Variants in RIMKLA observed in about 807,000 individuals in gnomAD.
RIMKLA encodes the protein ribosomal modification protein rimK like family member A.
In RIMKLA, 14 loss-of-function variants were observed where a neutral mutation model predicts 32.7. The ratio of observed to expected loss-of-function variants is 0.43; its 90% CI spans 0.28 to 0.67. The LOEUF (loss-of-function observed/expected upper bound fraction) is 0.67. Ranked by LOEUF, RIMKLA falls within the 30% of genes least tolerant of loss-of-function variation. The pLI is 0.18. For missense variants in RIMKLA, 410 were observed against 519.0 expected (o/e 0.79, Z 2.04); for synonymous variants, 176 against 204.1 (o/e 0.86, Z 1.18).
rs1159631939 is a variant in RIMKLA, at chr1:42,421,725, G to A, written c.*6751G>A. The A allele has an allele frequency of 6.6e-6, 1 of 152,120 alleles. No homozygotes were observed. The highest frequency in any genetic ancestry group is 2.4e-5 in the African/African-American group (1 of 41,408). 9.4% of individuals were successfully genotyped at this position (152,120 alleles called of 1,614,324 possible). On this transcript the variant is annotated 3_prime_UTR_variant, in exon 5 of 5. Coordinates refer to ENST00000431473, the MANE Select transcript of RIMKLA (RefSeq NM_173642.4). This position sits in a 1 kb window ranked among gnomAD's most constrained non-coding sequence, Gnocchi z 4.6. ...CACTGGCCCATGAGAGTGGATTGTTGAATTTCCAGGAATTTTGTAAGCTGG... is the reference window on the plus strand; with the variant it reads ...CACTGGCCCATGAGAGTGGATTGTTAAATTTCCAGGAATTTTGTAAGCTGG...
rs1570337771 is a variant in RIMKLA at position 42,420,232 on chromosome 1, A to G, written c.*5258A>G. The G allele has an allele frequency of 6.6e-6, 1 of 152,344 alleles. No homozygotes were observed. The allele number at this position is 152,344 out of a possible 1,614,324, so 9.4% of individuals were successfully genotyped here. A position where few individuals can be genotyped will look rare whatever the true frequency, so the allele number is the denominator to read the frequency against. Reference sequence around the variant, plus strand: ...TCCACACTTCTGCTACCTCATTTTAAATAGCGTCTTATCCCTGCAATGCAT... The same window carrying G: ...TCCACACTTCTGCTACCTCATTTTAGATAGCGTCTTATCCCTGCAATGCAT... On this transcript the variant is annotated 3_prime_UTR_variant, in exon 5 of 5. Transcript: ENST00000431473.
intron 3 of RIMKLA, among the ~76,000 whole-genome samples, chr1:42,405,309 C>T (rs1047439237): frequency 2.0e-5 from 3 of 152,196 alleles, no homozygotes; most frequent in Admixed American, 6.5e-5. Context: ...TACTTTGTAA[C>T]AGTTACAGGT....
At position 42,414,917 on chromosome 1, in the gene RIMKLA, G is replaced by A; in HGVS notation, c.1119G>A (p.Leu373=). The part of the protein sequence containing the change: ...ASTMGAPPSM[L]PEPGYNINNR... Reference sequence around the variant, plus strand: ...CAATGGGGGCCCCACCCTCCATGCTGCCCGAACCTGGCTACAACATTAACA... The same window carrying A: ...CAATGGGGGCCCCACCCTCCATGCTACCCGAACCTGGCTACAACATTAACA... The change falls in exon 5 of 5, where the codon CTG becomes CTA. Residue 373 remains leucine (L), a synonymous_variant. Transcript: ENST00000431473. The A allele has an allele frequency of 6.2e-7, 1 of 1,614,024 alleles. No homozygotes were observed. Among genetic ancestry groups the A allele is most frequent in the South Asian group, 1.1e-5 (1 of 91,066 alleles).
rs141657015 is a variant in RIMKLA at position 42,420,334 on chromosome 1, G to A, written c.*5360G>A. 1.3e-5 allele frequency: 2 copies of A among 152,320 alleles called. No individual in the cohort carries two copies. The highest frequency in any genetic ancestry group is 2.9e-5 in the Non-Finnish European group (2 of 68,036). The allele number at this position is 152,320 out of a possible 1,614,324, so 9.4% of individuals were successfully genotyped here. Reference sequence around the variant, plus strand: ...CAAGCGAGTGAGTGTGTGTGCCTGCGTGTGTCTCAGTGACGTGGGAAGGAA... The same window carrying A: ...CAAGCGAGTGAGTGTGTGTGCCTGCATGTGTCTCAGTGACGTGGGAAGGAA... On this transcript the variant is annotated 3_prime_UTR_variant, in exon 5 of 5. Coordinates refer to ENST00000431473, the MANE Select transcript of RIMKLA (RefSeq NM_173642.4).
At chr1:42,401,481 G>A (rs2148390624) in intron 2 of RIMKLA, among the ~76,000 whole-genome samples, 2 of 134,118 alleles carry the variant, frequency 1.5e-5, no homozygotes, top group African/African-American at 5.3e-5. Context: ...GGGAGGGCGG[G>A]CAACTTGAGA....
At chr1:42,399,253 A>G (rs192754063) in intron 1 of RIMKLA, 151 bp from the exon 2 acceptor site, 87 of 606,884 alleles carry the variant, frequency 1.4e-4, no homozygotes, top group African/African-American at 1.4e-3. Flanking sequence ...AGGGTTGCCT[A>G]TAGAGTTTCC....
At chr1:42,385,680 T>G (rs1467554967) in intron 1 of RIMKLA, among the ~76,000 whole-genome samples, 2 of 152,148 alleles carry the variant, frequency 1.3e-5, no homozygotes, top group Non-Finnish European at 2.9e-5. Context: ...TTCATGGATC[T>G]CAAAGCCCTA....
intron 1 of RIMKLA, among the ~76,000 whole-genome samples, chr1:42,387,783 C>A (rs1248835011): frequency 6.6e-6 from 1 of 151,928 alleles, no homozygotes; most frequent in African/African-American, 2.4e-5. Context: ...AAATCTGTGC[C>A]TCTCAAGTAG....
Position 42,414,991 on chromosome 1 carries a change from A to G in RIMKLA, c.*17A>G. On this transcript the variant is annotated 3_prime_UTR_variant, in exon 5 of 5. Transcript: ENST00000431473. ...CTTAAGTGAATTCCTGCTTTTTGGC[A>G]GCATTTAAACCAAATCCTACTGCTT... 4.4e-6 allele frequency: 7 copies of G among 1,586,660 alleles called. No homozygotes were observed. In the South Asian group the frequency reaches 4.6e-5, roughly 10 times the overall value.
chr1:42,411,461 T>TC (rs1643196831), intron 4 of RIMKLA, among the ~76,000 whole-genome samples: 1 of 122,522 alleles, frequency 8.2e-6, no homozygotes, highest in Non-Finnish European at 1.9e-5. Flanking sequence ...TCTTTTTTTT[T>TC]CTTTTCTTTT....
Position 42,415,215 on chromosome 1 carries a change from G to A in RIMKLA, c.*241G>A, listed in dbSNP as rs994828037. On this transcript the variant is annotated 3_prime_UTR_variant, in exon 5 of 5. Coordinates refer to ENST00000431473, the MANE Select transcript of RIMKLA (RefSeq NM_173642.4). ...GATCAGTATGAGACTGATGTCTGCT[G>A]TGAGCACGTGGATATTACGGCTGAC... 8.9e-6 allele frequency: 4 copies of A among 449,504 alleles called. No homozygotes were observed. Among genetic ancestry groups the A allele is most frequent in the Admixed American group, 3.8e-5 (1 of 26,108 alleles). The allele number at this position is 449,504 out of a possible 1,614,324, so 27.8% of individuals were successfully genotyped here.
At chr1:42,387,067 A>G (rs1642955698) in intron 1 of RIMKLA, among the ~76,000 whole-genome samples, 1 of 108,362 alleles carries the variant, frequency 9.2e-6, no homozygotes, top group Non-Finnish European at 2.1e-5. Flanking sequence ...ACTCCATCTC[A>G]AATAAATAAA....
At chr1:42,388,887 T>C (rs1642973783) in intron 1 of RIMKLA, among the ~76,000 whole-genome samples, 1 of 152,156 alleles carries the variant, frequency 6.6e-6, no homozygotes, top group Non-Finnish European at 1.5e-5. Flanking sequence ...CTGGCTACCA[T>C]GTTGAGAATA....
In RIMKLA at chr1:42,417,506, C is replaced by T. The variant is rs1643259131; in HGVS notation, c.*2532C>T. The T allele has an allele frequency of 2.0e-5, 3 of 152,254 alleles. No homozygotes were observed. In the South Asian group the frequency reaches 6.2e-4, roughly 32 times the overall value. The allele number at this position is 152,254 out of a possible 1,614,324, so 9.4% of individuals were successfully genotyped here. A position where few individuals can be genotyped will look rare whatever the true frequency, so the allele number is the denominator to read the frequency against. On this transcript the variant is annotated 3_prime_UTR_variant, in exon 5 of 5. Transcript: ENST00000431473. ...GCTTGAACAGCTGACCTCGTGCAAT[C>T]ACAGGAACTCTGCGTCTCCATGTTT...
Position 42,418,309 on chromosome 1 carries a change from C to T in RIMKLA, c.*3335C>T, listed in dbSNP as rs908544752. 9 of 152,082 alleles carry T rather than the reference C, an allele frequency of 5.9e-5. No individual in the cohort carries two copies. The highest frequency in any genetic ancestry group is 2.2e-4 in the African/African-American group (9 of 41,398). The allele number at this position is 152,082 out of a possible 1,614,324, so 9.4% of individuals were successfully genotyped here. ...AATGTCTTCATGCTGTTTTTCTGAT[C>T]GGGTATGGGGTTGCCAGAATGAGGA... On this transcript the variant is annotated 3_prime_UTR_variant, in exon 5 of 5. Transcript: ENST00000431473.
intron 3 of RIMKLA, among the ~76,000 whole-genome samples, chr1:42,409,201 C>CAAAAAAAAAAAAAAAAA (rs59543497): frequency 3.1e-5 from 2 of 64,496 alleles, no homozygotes; most frequent in Middle Eastern, 0.014. Flanking sequence ...GACTCTGTCT[C>CAAAAAAAAAAAAAAAAA]AAAAAAAAAA....
chr1:42,399,239 G>A lies in RIMKLA; in HGVS notation c.164-165G>A, dbSNP rs112292727. 3.2e-3 allele frequency among the ~76,000 whole-genome samples: 489 copies of A among 152,242 alleles called. 3 individuals carry two copies. The highest frequency in any genetic ancestry group is 0.011 in the African/African-American group (441 of 41,534). ...ATCATGCTCTGCCTGTTTGTTTGGC[G>A]TATAGGGTTGCCTATAGAGTTTCCT... is the stretch of plus-strand genomic sequence containing the variant. On this transcript the variant is annotated intron_variant, in intron 1 of 4. Transcript: ENST00000431473.
intron 3 of RIMKLA, among the ~76,000 whole-genome samples, chr1:42,405,741 A>C (rs1323064593): frequency 3.3e-5 from 5 of 152,218 alleles, no homozygotes; most frequent in Non-Finnish European, 7.3e-5. Flanking sequence ...GGTGATCATC[A>C]CTGATATAGC....
chr1:42,412,660 C>T (rs1643209900), intron 4 of RIMKLA: 4 of 494,704 alleles, frequency 8.1e-6, no homozygotes, highest in South Asian at 1.5e-5. Flanking sequence ...GATTTGCCAA[C>T]GTAACTATGC....
Sources: gnomAD v4.1 joint callset for allele counts (sites outside exome capture counted in the v4.1 genomes callset) on GRCh38, gnomAD v4.1.1 for gene constraint, Gnocchi (gnomAD v3.1) non-coding constraint, MANE v1.5 for transcripts, NCBI Gene and HGNC (gene_info 2026-07-23, HGNC 2026-07-21) for gene names.